Variants in KCNQ1 observed in about 807,000 individuals in gnomAD.
The protein encoded by KCNQ1 is potassium voltage-gated channel subfamily KQT member 1.
KCNQ1 carries 49 observed loss-of-function variants against 72.4 expected under a neutral mutation model. The observed-to-expected ratio is 0.68, with a 90% CI of 0.54 to 0.86. The LOEUF (loss-of-function observed/expected upper bound fraction) is 0.86, where lower values mean the gene tolerates loss of function less well. Ranked by LOEUF, KCNQ1 falls within the 40% of genes least tolerant of loss-of-function variation. The pLI is 0.00. For synonymous variants in KCNQ1, 450 were observed against 412.6 expected, an observed-to-expected ratio of 1.09 and a Z score of -1.10; for missense variants, 790 against 945.1, an observed-to-expected ratio of 0.84 and a Z score of 2.15.
rs1846557921 is a variant in KCNQ1 at position 2,475,594 on chromosome 11, A to T, written c.386+30110A>T. On this transcript the variant is annotated intron_variant, in intron 1 of 15. Transcript: ENST00000155840. This position sits in a 1 kb window ranked among gnomAD's most constrained non-coding sequence, Gnocchi z 5.8. Reference sequence around the variant, plus strand: ...TCAAAGAATTAGGGCAAGGAGGGCGATTCTAAATGGCTGGAGACATAGTCA... The same window carrying T: ...TCAAAGAATTAGGGCAAGGAGGGCGTTTCTAAATGGCTGGAGACATAGTCA... Among the ~76,000 whole-genome samples, 1 of 152,210 alleles carries T rather than the reference A, an allele frequency of 6.6e-6. No individual in the cohort carries two copies.
At chr11:2,465,991 G>A (rs1386261643) in intron 1 of KCNQ1, among the ~76,000 whole-genome samples, 1 of 152,206 alleles carries the variant, frequency 6.6e-6, no homozygotes, top group African/African-American at 2.4e-5. Context: ...GGCTCAGGTC[G>A]ACTCCCAGGG....
intron 1 of KCNQ1, among the ~76,000 whole-genome samples, chr11:2,518,500 G>A (rs1430626339): frequency 2.0e-5 from 3 of 152,194 alleles, no homozygotes; most frequent in African/African-American, 4.8e-5. Context: ...GGACCCAGCC[G>A]AAAGCTGGCA....
chr11:2,578,688 C>T (rs1406503346), intron 6 of KCNQ1, among the ~76,000 whole-genome samples: 1 of 152,224 alleles, frequency 6.6e-6, no homozygotes, highest in Admixed American at 6.5e-5. Flanking sequence ...TGCCGCCCTC[C>T]TTGGAGCTGT....
intron 6 of KCNQ1, among the ~76,000 whole-genome samples, chr11:2,581,709 G>C (rs1007850428): frequency 3.3e-5 from 5 of 152,250 alleles, no homozygotes; most frequent in African/African-American, 9.6e-5. Flanking sequence ...GTGCCGGGTC[G>C]TGTGTTTCCG....
rs113557514 is a variant in KCNQ1 at position 2,518,184 on chromosome 11, T to A, written c.387-9744T>A. On this transcript the variant is annotated intron_variant, in intron 1 of 15. Coordinates refer to ENST00000155840, the MANE Select transcript of KCNQ1 (RefSeq NM_000218.3). Reference sequence around the variant, plus strand: ...GGTGGGCCCCTGCCTGGGGAGCCCCTGCTCTGGTCGGGGAGGCAGTGGTGG... The same window carrying A: ...GGTGGGCCCCTGCCTGGGGAGCCCCAGCTCTGGTCGGGGAGGCAGTGGTGG... 2.7e-3 allele frequency among the ~76,000 whole-genome samples: 416 copies of A among 152,372 alleles called. 1 individual carries two copies. The highest frequency in any genetic ancestry group is 9.7e-3 in the African/African-American group (405 of 41,602).
At position 2,621,293 on chromosome 11, in the gene KCNQ1, C is replaced by A; in HGVS notation, c.1393+32439C>A. The A allele has an allele frequency of 2.5e-6, 1 of 398,422 alleles. No homozygotes were observed. Among genetic ancestry groups the A allele is most frequent in the South Asian group, 1.3e-4 (1 of 7,832 alleles). The allele number at this position is 398,422 out of a possible 1,614,324, so 24.7% of individuals were successfully genotyped here. A position where few individuals can be genotyped will look rare whatever the true frequency, so the allele number is the denominator to read the frequency against. On this transcript the variant is annotated intron_variant, in intron 10 of 15. Transcript: ENST00000155840. This position sits in a 1 kb window ranked among gnomAD's most constrained non-coding sequence, Gnocchi z 5.7. ...GTGCCTGGCCTCATTATTTGCATTT[C>A]TGATTATTAGTGATCATGAGAATGT... is the stretch of plus-strand genomic sequence containing the variant.
At position 2,733,377 on chromosome 11, in the gene KCNQ1, C is replaced by T. The variant is rs1016074594; in HGVS notation, c.1515-35467C>T. ...ACTGCGACCCCGACCCTCACTTTCC[C>T]ACAAACCCTCAGTCTCCTTTGCTCA... On this transcript the variant is annotated intron_variant, in intron 11 of 15. Transcript: ENST00000155840. 5.9e-5 allele frequency among the ~76,000 whole-genome samples: 9 copies of T among 152,264 alleles called. No individual in the cohort carries two copies. The South Asian group carries it at 1.9e-3, about 32-fold the overall frequency.
At position 2,538,938 on chromosome 11, in the gene KCNQ1, C is replaced by T. The variant is rs991668748; in HGVS notation, c.477+10920C>T. ...GATTTGTGAGAATGGGGTTGACACC[C>T]CTGGGCTGGAACCTGGGAACCACCA... On this transcript the variant is annotated intron_variant, in intron 2 of 15. Transcript: ENST00000155840. The surrounding 1 kb of genome is among the most constrained non-coding windows in gnomAD (Gnocchi z 6.7). 2.0e-5 allele frequency among the ~76,000 whole-genome samples: 3 copies of T among 152,210 alleles called. No individual in the cohort carries two copies. Among genetic ancestry groups the T allele is most frequent in the South Asian group, 2.1e-4 (1 of 4,832 alleles).
rs143985853 is a variant in KCNQ1, at chr11:2,566,566, AT to A, written c.478-4061del. 5.8e-3 allele frequency among the ~76,000 whole-genome samples: 884 copies of A among 152,180 alleles called. 8 individuals carry two copies. The highest frequency in any genetic ancestry group is 0.02 in the African/African-American group (841 of 41,522). On this transcript the variant is annotated intron_variant, in intron 2 of 15. Coordinates refer to ENST00000155840, the MANE Select transcript of KCNQ1 (RefSeq NM_000218.3). The surrounding 1 kb of genome is among the most constrained non-coding windows in gnomAD (Gnocchi z 6.7). ...GCCCAGATCTGAGGCCCTTTTGTCCATGAAGCCATCTGCAGCCAGGAGGCGG... is the reference window on the plus strand; with the variant it reads ...GCCCAGATCTGAGGCCCTTTTGTCCAGAAGCCATCTGCAGCCAGGAGGCGG...
intron 4 of KCNQ1, 134 bp from the exon 5 acceptor site, chr11:2,571,879 C>T: frequency 1.4e-6 from 1 of 729,720 alleles, no homozygotes; most frequent in Non-Finnish European, 2.4e-6. Flanking sequence ...GGACATATAC[C>T]CAGCCTCCCC....
intron 1 of KCNQ1, among the ~76,000 whole-genome samples, chr11:2,469,262 A>C (rs1053283122): frequency 2.7e-5 from 4 of 149,576 alleles, no homozygotes; most frequent in Non-Finnish European, 5.9e-5. Context: ...TGAATTCAAG[A>C]GTTTTTTTTT....
Position 2,619,110 on chromosome 11 carries a change from G to C in KCNQ1, c.1393+30256G>C, listed in dbSNP as rs116000903. The C allele has an allele frequency of 1.8e-4, 70 of 398,466 alleles. No homozygotes were observed. Among genetic ancestry groups the C allele is most frequent in the African/African-American group, 1.3e-3 (61 of 48,720 alleles). The allele number at this position is 398,466 out of a possible 1,614,324, so 24.7% of individuals were successfully genotyped here. On this transcript the variant is annotated intron_variant, in intron 10 of 15. Coordinates refer to ENST00000155840, the MANE Select transcript of KCNQ1 (RefSeq NM_000218.3). ...CGGGGTTTTCTATATGTAGGATCAT[G>C]TCATCTTCATATAAAGATAATATTA...
In KCNQ1 at chr11:2,598,401, CTTTTTTTAAAATGAAGATTTTCT is replaced by C. The variant is rs1230782634; in HGVS notation, c.1393+9550_1393+9572del. Among the ~76,000 whole-genome samples, 5 of 152,030 alleles carry C rather than the reference CTTTTTTTAAAATGAAGATTTTCT, an allele frequency of 3.3e-5. No homozygotes were observed. Among genetic ancestry groups the C allele is most frequent in the African/African-American group, 7.3e-5 (3 of 41,370 alleles). Reference sequence around the variant, plus strand: ...AAGGATGTAGCCTATGAAGTCTCCACTTTTTTTAAAATGAAGATTTTCTTTGTCTCCAAGTATGAAAATAACAT... The same window carrying C: ...AAGGATGTAGCCTATGAAGTCTCCACTTGTCTCCAAGTATGAAAATAACAT... On this transcript the variant is annotated intron_variant, in intron 10 of 15. Transcript: ENST00000155840. This position sits in a 1 kb window ranked among gnomAD's most constrained non-coding sequence, Gnocchi z 6.2.
chr11:2,611,317 T>G lies in KCNQ1; in HGVS notation c.1393+22463T>G, dbSNP rs1197494656. 1 of 397,428 alleles carries G rather than the reference T, an allele frequency of 2.5e-6. No homozygotes were observed. Among genetic ancestry groups the G allele is most frequent in the African/African-American group, 2.1e-5 (1 of 48,592 alleles). 24.6% of individuals were successfully genotyped at this position (397,428 alleles called of 1,614,324 possible). On this transcript the variant is annotated intron_variant, in intron 10 of 15. Transcript: ENST00000155840. This position sits in a 1 kb window ranked among gnomAD's most constrained non-coding sequence, Gnocchi z 5.3. ...TCACTGCAACCTCTGCCTCCCGGAT[T>G]CAAGCCGTTCTCTTGCCTCAGCATC... is the stretch of plus-strand genomic sequence containing the variant.
chr11:2,553,863 C>A (rs1261146952), intron 2 of KCNQ1, among the ~76,000 whole-genome samples: 1 of 151,886 alleles, frequency 6.6e-6, no homozygotes, highest in African/African-American at 2.4e-5. Flanking sequence ...TTACAGGCGC[C>A]CGCCACCACA....
chr11:2,461,779 T>A, intron 1 of KCNQ1: 1 of 1,305,070 alleles, frequency 7.7e-7, no homozygotes, highest in Admixed American at 2.1e-5. Flanking sequence ...GGGGGCTGAA[T>A]TGTGGTCAGT....
At chr11:2,454,693 T>G (rs1332992778) in intron 1 of KCNQ1, among the ~76,000 whole-genome samples, 3 of 152,158 alleles carry the variant, frequency 2.0e-5, no homozygotes, top group Non-Finnish European at 4.4e-5. Flanking sequence ...TCAATAGATG[T>G]AGAAAAAAAC....
chr11:2,726,211 T>C (rs1001200339), intron 11 of KCNQ1, among the ~76,000 whole-genome samples: 33 of 152,330 alleles, frequency 2.2e-4, no homozygotes, highest in African/African-American at 7.9e-4. Flanking sequence ...TCCCGGGCAG[T>C]GGCCCAGAGA....
intron 15 of KCNQ1, among the ~76,000 whole-genome samples, chr11:2,778,901 C>T (rs531118757): frequency 6.6e-6 from 1 of 152,010 alleles, no homozygotes; most frequent in South Asian, 2.1e-4. Flanking sequence ...CCGGCCCAGG[C>T]TCCTGCTCCT....
Sources: gnomAD v4.1 joint callset for allele counts (sites outside exome capture counted in the v4.1 genomes callset) on GRCh38, gnomAD v4.1.1 for gene constraint, Gnocchi (gnomAD v3.1) non-coding constraint, MANE v1.5 for transcripts, NCBI Gene and HGNC (gene_info 2026-07-23, HGNC 2026-07-21) for gene names.